The following TEAD1 variants were observed in gnomAD, a reference collection of about 807,000 sequenced individuals.
The protein encoded by TEAD1 is transcriptional enhancer factor TEF-1.
TEAD1 carries 9 observed loss-of-function variants against 54.9 expected under a neutral mutation model. That is an observed-to-expected ratio of 0.16 (90% CI 0.10 to 0.29). The LOEUF (loss-of-function observed/expected upper bound fraction) is 0.29. TEAD1 is among the 10% of genes least tolerant of loss of function. The pLI is 1.00. For missense variants in TEAD1, 387 were observed against 535.9 expected, an observed-to-expected ratio of 0.72 and a Z score of 2.74; for synonymous variants, 200 against 187.8, an observed-to-expected ratio of 1.07 and a Z score of -0.53.
chr11:12,683,786 T>C (rs1046446385), intron 2 of TEAD1, among the ~76,000 whole-genome samples: 2 of 152,172 alleles, frequency 1.3e-5, no homozygotes, highest in African/African-American at 2.4e-5. Flanking sequence ...GGGAACTGAT[T>C]GACATGAACA....
intron 2 of TEAD1, among the ~76,000 whole-genome samples, chr11:12,687,747 G>T (rs925908093): frequency 1.3e-5 from 2 of 152,212 alleles, no homozygotes; most frequent in African/African-American, 2.4e-5. Flanking sequence ...GTGTGTCTCA[G>T]TTGAGCCTTT....
chr11:12,709,546 G>A (rs1397174172), intron 2 of TEAD1, among the ~76,000 whole-genome samples: 1 of 151,900 alleles, frequency 6.6e-6, no homozygotes, highest in Non-Finnish European at 1.5e-5. Context: ...TAGAGATGAG[G>A]GTCTTGCTTT....
intron 5 of TEAD1, among the ~76,000 whole-genome samples, chr11:12,869,919 G>C (rs144212389): frequency 6.6e-6 from 1 of 151,358 alleles, no homozygotes; most frequent in African/African-American, 2.4e-5. Context: ...TTGCTTTGTC[G>C]CCCGGGCGGG....
intron 9 of TEAD1, among the ~76,000 whole-genome samples, chr11:12,894,689 C>T (rs1035862231): frequency 1.3e-5 from 2 of 152,168 alleles, no homozygotes; most frequent in African/African-American, 4.8e-5. Flanking sequence ...ACAGAATCGC[C>T]TTAATGAGTC....
intron 3 of TEAD1, among the ~76,000 whole-genome samples, chr11:12,783,098 T>TTGTGTGTGTGTGTG (rs34564715): frequency 6.3e-4 from 88 of 139,362 alleles, no homozygotes; most frequent in African/African-American, 1.1e-3. Flanking sequence ...AGGTAAGGGT[T>TTGTGTGTGTGTGTG]TGTGTGTGTG....
At chr11:12,680,065 A>G (rs2133809289) in intron 2 of TEAD1, among the ~76,000 whole-genome samples, 1 of 152,260 alleles carries the variant, frequency 6.6e-6, no homozygotes, top group African/African-American at 2.4e-5. Flanking sequence ...CGCAATTGTT[A>G]TGAATGTATT....
Position 12,924,106 on chromosome 11 carries a change from A to G in TEAD1, c.874-806A>G, listed in dbSNP as rs183183193. ...AACCTGTGCCCAAGTTGCATTTCCA[A>G]ACTCCCAGTCTGAGGTCCTTAATCC... is the stretch of plus-strand genomic sequence containing the variant. On this transcript the variant is annotated intron_variant, in intron 10 of 12. Transcript: ENST00000527636. 5.7e-4 allele frequency among the ~76,000 whole-genome samples: 87 copies of G among 152,202 alleles called. 1 individual carries two copies. Among genetic ancestry groups the G allele is most frequent in the Non-Finnish European group, 8.8e-5 (6 of 68,000 alleles).
At chr11:12,786,693 G>A (rs1331456760) in intron 3 of TEAD1, among the ~76,000 whole-genome samples, 1 of 152,128 alleles carries the variant, frequency 6.6e-6, no homozygotes, top group Admixed American at 6.5e-5. Context: ...TAGGCACTGG[G>A]GATATTGCAG....
At chr11:12,913,437 C>T (rs1400806869) in intron 10 of TEAD1, among the ~76,000 whole-genome samples, 1 of 152,198 alleles carries the variant, frequency 6.6e-6, no homozygotes, top group Non-Finnish European at 1.5e-5. Flanking sequence ...TATGTATCTA[C>T]AACCATTATA....
intron 3 of TEAD1, among the ~76,000 whole-genome samples, chr11:12,799,776 C>G (rs186515643): frequency 9.5e-4 from 144 of 152,214 alleles, no homozygotes; most frequent in Admixed American, 1.6e-3. Context: ...TTGGGAAACC[C>G]TATAGTCTGT....
chr11:12,782,328 T>C (rs913106980), intron 3 of TEAD1, among the ~76,000 whole-genome samples: 2 of 152,192 alleles, frequency 1.3e-5, no homozygotes, highest in Non-Finnish European at 2.9e-5. Flanking sequence ...ACTTGAAAAC[T>C]GTGCTAAATG....
rs557004698 is a variant in TEAD1, at chr11:12,859,139, CA to C, written c.203-3109del. Among the ~76,000 whole-genome samples, 7 of 152,224 alleles carry C rather than the reference CA, an allele frequency of 4.6e-5. No individual in the cohort carries two copies. The East Asian group carries it at 1.4e-3, about 29-fold the overall frequency. On this transcript the variant is annotated intron_variant, in intron 3 of 12. Coordinates refer to ENST00000527636, the MANE Select transcript of TEAD1 (RefSeq NM_021961.6). ...AGTGTGAGTTGACACTGTTTAACTC[CA>C]AGGGGTGCCATTTGTATAGGCTGTG...
chr11:12,784,595 G>A (rs895180607), intron 3 of TEAD1, among the ~76,000 whole-genome samples: 2 of 152,194 alleles, frequency 1.3e-5, no homozygotes, highest in Non-Finnish European at 1.5e-5. Flanking sequence ...CTGAATTCAC[G>A]TATGTTTACT....
chr11:12,865,310 C>A (rs1320645098), intron 5 of TEAD1: 3 of 173,548 alleles, frequency 1.7e-5, no homozygotes, highest in African/African-American at 4.8e-5. Context: ...TAGAAAGAAT[C>A]ATTTCCAAAG....
chr11:12,828,057 C>A, intron 3 of TEAD1: 1 of 152,350 alleles, frequency 6.6e-6, no homozygotes, highest in Non-Finnish European at 1.5e-5. Context: ...GCAGTGACCA[C>A]AGTGGAGCTA....
intron 2 of TEAD1, among the ~76,000 whole-genome samples, chr11:12,714,645 T>G (rs562755802): frequency 6.6e-6 from 1 of 152,354 alleles, no homozygotes; most frequent in East Asian, 1.9e-4. Context: ...TTCCTGGGGC[T>G]GCTGTAACAA....
chr11:12,760,318 A>T (rs926213395), intron 2 of TEAD1, among the ~76,000 whole-genome samples: 4 of 152,198 alleles, frequency 2.6e-5, no homozygotes, highest in Non-Finnish European at 1.5e-5. Flanking sequence ...TTGGGATGAA[A>T]TTTAATTTGT....
At chr11:12,914,077 T>C (rs1487304059) in intron 10 of TEAD1, among the ~76,000 whole-genome samples, 2 of 152,232 alleles carry the variant, frequency 1.3e-5, no homozygotes, top group Non-Finnish European at 2.9e-5. Flanking sequence ...CTAGCCACTA[T>C]GTGAAGTTGC....
chr11:12,919,201 C>T (rs1948763965), intron 10 of TEAD1, among the ~76,000 whole-genome samples: 1 of 152,110 alleles, frequency 6.6e-6, no homozygotes, highest in Non-Finnish European at 1.5e-5. Context: ...TCTTTAATAA[C>T]TTTGTTTTGA....
Sources: gnomAD v4.1 joint callset for allele counts (sites outside exome capture counted in the v4.1 genomes callset) on GRCh38, gnomAD v4.1.1 for gene constraint, MANE v1.5 for transcripts, NCBI Gene and HGNC (gene_info 2026-07-23, HGNC 2026-07-21) for gene names.